PKNOX1: variants seen among roughly 807,000 people sequenced by gnomAD.
PKNOX1 encodes PBX/knotted 1 homeobox 1, also known as homeobox protein PKNOX1.
PKNOX1 carries 15 observed loss-of-function variants against 51.9 expected under a neutral mutation model. The ratio of observed to expected loss-of-function variants is 0.29; its 90% CI spans 0.19 to 0.45. PKNOX1 has a LOEUF of 0.45. PKNOX1 is among the 20% of genes least tolerant of loss of function. The pLI is 1.00. For missense variants in PKNOX1, 462 were observed against 547.5 expected, an observed-to-expected ratio of 0.84 and a Z score of 1.56; for synonymous variants, 219 against 211.1, an observed-to-expected ratio of 1.04 and a Z score of -0.32.
At chr21:42,979,727 G>A (rs1987177660) in intron 1 of PKNOX1, among the ~76,000 whole-genome samples, 1 of 152,000 alleles carries the variant, frequency 6.6e-6, no homozygotes, top group Non-Finnish European at 1.5e-5. Context: ...GGGTGACACA[G>A]CGAGACTCCA....
At chr21:42,981,833 T>G (rs903746751) in intron 1 of PKNOX1, among the ~76,000 whole-genome samples, 1 of 152,158 alleles carries the variant, frequency 6.6e-6, no homozygotes, top group African/African-American at 2.4e-5. Flanking sequence ...GGTGGTGAGA[T>G]AGGTGGTTCA....
At chr21:42,979,084 A>G (rs1029033092) in intron 1 of PKNOX1, among the ~76,000 whole-genome samples, 1 of 152,214 alleles carries the variant, frequency 6.6e-6, no homozygotes, top group Non-Finnish European at 1.5e-5. Flanking sequence ...AAAGTTTTGT[A>G]GAAGTGAGGT....
At chr21:43,028,912 T>C in intron 10 of PKNOX1, 38 bp downstream of exon 10, 1 of 1,603,948 alleles carries the variant, frequency 6.2e-7, no homozygotes, top group Non-Finnish European at 8.5e-7. Context: ...TGGTGGACCA[T>C]GGGGTGGGGA....
chr21:43,017,086 A>G (rs1010934931), intron 6 of PKNOX1, 79 bp downstream of exon 6: 3 of 919,442 alleles, frequency 3.3e-6, no homozygotes, highest in South Asian at 1.4e-5. Flanking sequence ...GACAGTATAA[A>G]TATAATTTCA....
Position 43,021,938 on chromosome 21 carries a change from C to T in PKNOX1, c.849+507C>T, listed in dbSNP as rs1979777268. Among the ~76,000 whole-genome samples, 2 of 152,216 alleles carry T rather than the reference C, an allele frequency of 1.3e-5. No homozygotes were observed. The highest frequency in any genetic ancestry group is 1.9e-4 in the East Asian group (1 of 5,192). ...CCGGCTTCCTCCCCCGGGCCATGGC[C>T]GCGTCTTCTCCCTGTCCCCAGGACA... On this transcript the variant is annotated intron_variant, in intron 8 of 10. Coordinates refer to ENST00000291547, the MANE Select transcript of PKNOX1 (RefSeq NM_004571.5). This position sits in a 1 kb window ranked among gnomAD's most constrained non-coding sequence, Gnocchi z 4.6.
intron 1 of PKNOX1, among the ~76,000 whole-genome samples, chr21:43,001,149 A>G (rs1371058803): frequency 6.6e-6 from 1 of 152,218 alleles, no homozygotes; most frequent in Non-Finnish European, 1.5e-5. Context: ...GGGTCTCTGC[A>G]GAACAGTTGT....
rs776103735 is a variant in PKNOX1, at chr21:43,030,001, G to A, written c.1211G>A (p.Ser404Asn). 6.2e-7 allele frequency: 1 copy of A among 1,614,082 alleles called. No individual in the cohort carries two copies. The highest frequency in any genetic ancestry group is 8.5e-7 in the Non-Finnish European group (1 of 1,180,032). The change falls in exon 11 of 11, where the codon AGC (serine) becomes AAC (asparagine). Residue 404 changes from serine to asparagine, a missense_variant. This residue lies in a region of PKNOX1 where 118 missense variants were observed against 116.8 expected (regional missense o/e 1.01). Transcript: ENST00000291547. ...AVQQVMMAGQ[S>N]EDESVDSTEE... ...CAGCAGGTCATGATGGCAGGGCAGA[G>A]CGAGGACGAGTCTGTGGACAGCACA...
chr21:42,983,963 G>T (rs2059039113), intron 1 of PKNOX1, among the ~76,000 whole-genome samples: 1 of 151,926 alleles, frequency 6.6e-6, no homozygotes, highest in Non-Finnish European at 1.5e-5. Flanking sequence ...AATTAGTGAT[G>T]TGGAGCATCT....
chr21:42,979,249 C>T (rs71320587), intron 1 of PKNOX1, among the ~76,000 whole-genome samples: 5,790 of 152,194 alleles, frequency 0.038, 139 homozygotes, highest in Middle Eastern at 0.061. Context: ...CACAGATCCC[C>T]GTAACAGACA....
chr21:43,028,794 G>C lies in PKNOX1; in HGVS notation c.1019G>C (p.Arg340Pro). The stretch of plus-strand genomic sequence containing the variant: ...ACAAAGAAAAAAACTGCTCAGAACC[G>C]GCCAGTTCAGAGGTTTTGGCCTGAT... Reference protein sequence around the residue: ...PKTKKKTAQNRPVQRFWPDSI... With the variant: ...PKTKKKTAQNPPVQRFWPDSI... The change falls in exon 10 of 11, where the codon CGG (arginine) becomes CCG (proline). Residue 340 changes from arginine (R) to proline (P), a missense_variant. Physicochemically the swap from Arg to Pro is moderately radical, Grantham distance 103. This residue lies in a region of PKNOX1 where 75 missense variants were observed against 129.8 expected (regional missense o/e 0.58). Transcript: ENST00000291547. The C allele has an allele frequency of 6.2e-7, 1 of 1,614,062 alleles. No homozygotes were observed. Among genetic ancestry groups the C allele is most frequent in the Non-Finnish European group, 8.5e-7 (1 of 1,179,994 alleles).
At chr21:43,028,486 T>G (rs1980078777) in intron 9 of PKNOX1, 1 of 574,008 alleles carries the variant, frequency 1.7e-6, no homozygotes, top group Non-Finnish European at 3.1e-6. Context: ...GGTGCTTATT[T>G]GCATGATTTT....
intron 1 of PKNOX1, among the ~76,000 whole-genome samples, chr21:42,996,904 T>A (rs1354670751): frequency 1.3e-5 from 2 of 151,314 alleles, no homozygotes; most frequent in African/African-American, 4.9e-5. Flanking sequence ...TTTTTTTTTT[T>A]AATAGAGTCT....
At chr21:43,001,537 A>G (rs972827043) in intron 1 of PKNOX1, among the ~76,000 whole-genome samples, 18 of 152,258 alleles carry the variant, frequency 1.2e-4, no homozygotes, top group Admixed American at 2.6e-4. Context: ...TTGCTGTCCC[A>G]TGGCAGTTCT....
intron 1 of PKNOX1, among the ~76,000 whole-genome samples, chr21:42,989,491 A>G (rs1220389740): frequency 6.6e-6 from 1 of 151,942 alleles, no homozygotes; most frequent in African/African-American, 2.4e-5. Flanking sequence ...TCTCGATTTC[A>G]CTGCGACCTC....
chr21:43,003,720 G>A (rs1021720569), intron 1 of PKNOX1, among the ~76,000 whole-genome samples: 5 of 152,292 alleles, frequency 3.3e-5, no homozygotes, highest in Admixed American at 1.3e-4. Context: ...GCTCACTGCC[G>A]CACCCCAGGC....
chr21:42,974,644 G>A lies in PKNOX1; in HGVS notation c.-77G>A. 1 of 157,080 alleles carries A rather than the reference G, an allele frequency of 6.4e-6. No individual in the cohort carries two copies. Among genetic ancestry groups the A allele is most frequent in the Non-Finnish European group, 1.4e-5 (1 of 71,914 alleles). The allele number at this position is 157,080 out of a possible 1,614,324, so 9.7% of individuals were successfully genotyped here. A position where few individuals can be genotyped will look rare whatever the true frequency, so the allele number is the denominator to read the frequency against. On this transcript the variant is annotated 5_prime_UTR_variant, in exon 1 of 11. In the 5' UTR this introduces an upstream ATG that the reference lacks. Transcript: ENST00000291547. ...CCGATTGCTGCAGCCGCTTGTCAGT[G>A]TGATGAAGATTGGCACCCAGGTAAG...
At position 43,007,799 on chromosome 21, in the gene PKNOX1, C is replaced by CA. The variant is rs567361547; in HGVS notation, c.179+182dup. 7.7e-5 allele frequency: 46 copies of CA among 599,460 alleles called. No homozygotes were observed. In the South Asian group the frequency reaches 8.7e-4, roughly 11 times the overall value. 37.1% of individuals were successfully genotyped at this position (599,460 alleles called of 1,614,324 possible). The stretch of plus-strand genomic sequence containing the variant: ...TTATTTCTGGCCAGGTGTGGTGGCT[C>CA]ATGCCTGTAATCCTAGCACTTTGGG... On this transcript the variant is annotated intron_variant, in intron 3 of 10. Coordinates refer to ENST00000291547, the MANE Select transcript of PKNOX1 (RefSeq NM_004571.5).
At chr21:43,022,755 G>A (rs1979818883) in intron 8 of PKNOX1, among the ~76,000 whole-genome samples, 1 of 152,180 alleles carries the variant, frequency 6.6e-6, no homozygotes, top group Non-Finnish European at 1.5e-5. Flanking sequence ...AAGCAGGTCG[G>A]CATGTAGATG....
intron 1 of PKNOX1, among the ~76,000 whole-genome samples, chr21:42,987,404 A>AAAAAAAATATATATATATATAT: frequency 1.7e-4 from 7 of 41,398 alleles, no homozygotes; most frequent in Admixed American, 6.1e-4. Flanking sequence ...AAAAAAAAAA[A>AAAAAAAATATATATATATATAT]ATATATATAT....
Sources: allele counts gnomAD v4.1 joint callset (sites outside exome capture counted in the v4.1 genomes callset), GRCh38; gene constraint gnomAD v4.1.1; regional missense constraint gnomAD v4.1.1; non-coding constraint Gnocchi (gnomAD v3.1); transcripts MANE v1.5; gene names NCBI Gene and HGNC (gene_info 2026-07-23, HGNC 2026-07-21).